The following FAM135B variants were observed in gnomAD, a reference collection of about 807,000 sequenced individuals.
FAM135B encodes family with sequence similarity 135 member B.
FAM135B carries 43 observed loss-of-function variants against 127.7 expected under a neutral mutation model. The ratio of observed to expected loss-of-function variants is 0.34; its 90% CI spans 0.26 to 0.43. FAM135B has a LOEUF of 0.43. Ranked by LOEUF, FAM135B falls within the 20% of genes least tolerant of loss-of-function variation. The pLI, the probability that FAM135B is intolerant of heterozygous loss-of-function variation, is 1.00. For synonymous variants in FAM135B, 670 were observed against 665.1 expected (o/e 1.01, Z -0.11); for missense variants, 1,558 against 1,725.6 (o/e 0.90, Z 1.72).
chr8:138,154,970 A>T (rs1818575999), intron 12 of FAM135B, among the ~76,000 whole-genome samples: 1 of 152,226 alleles, frequency 6.6e-6, no homozygotes, highest in African/African-American at 2.4e-5. Flanking sequence ...CCTTGAGAAG[A>T]GCAACTCCAA....
At chr8:138,480,310 C>A (rs897171483) in intron 1 of FAM135B, among the ~76,000 whole-genome samples, 3 of 152,124 alleles carry the variant, frequency 2.0e-5, no homozygotes, top group Non-Finnish European at 4.4e-5. Flanking sequence ...CAGGGGAAAC[C>A]TCAAAGTTAG....
chr8:138,178,410 T>C (rs1814690611), intron 10 of FAM135B, 125 bp downstream of exon 10: 7 of 1,094,262 alleles, frequency 6.4e-6, no homozygotes, highest in South Asian at 1.5e-5. Flanking sequence ...TGCACGGTCA[T>C]GGTAGAGACA....
chr8:138,402,042 G>A (rs1158338245), intron 1 of FAM135B, among the ~76,000 whole-genome samples: 1 of 152,066 alleles, frequency 6.6e-6, no homozygotes, highest in East Asian at 1.9e-4. Context: ...GAGGGTGGGA[G>A]GTGGAGACAG....
At chr8:138,196,514 A>C (rs1402044042) in intron 8 of FAM135B, among the ~76,000 whole-genome samples, 1 of 152,196 alleles carries the variant, frequency 6.6e-6, no homozygotes, top group Non-Finnish European at 1.5e-5. Flanking sequence ...ACCTCAGTCT[A>C]TTTGGGAAGC....
intron 2 of FAM135B, among the ~76,000 whole-genome samples, chr8:138,339,886 A>G (rs140480841): frequency 1.3e-3 from 196 of 152,238 alleles, no homozygotes; most frequent in African/African-American, 4.3e-3. Flanking sequence ...GGAAGAGCTG[A>G]TGGGGGAGTG....
intron 1 of FAM135B, among the ~76,000 whole-genome samples, chr8:138,483,543 C>T (rs1814868805): frequency 6.6e-6 from 1 of 152,196 alleles, no homozygotes; most frequent in South Asian, 2.1e-4. Flanking sequence ...GGGGTTTGTA[C>T]ATGTGTTTAC....
chr8:138,406,694 T>C (rs1341689991), intron 1 of FAM135B, among the ~76,000 whole-genome samples: 4 of 151,672 alleles, frequency 2.6e-5, no homozygotes, highest in African/African-American at 9.7e-5. Flanking sequence ...AAAAGGCCTT[T>C]GACAAAATTC....
intron 1 of FAM135B, among the ~76,000 whole-genome samples, chr8:138,387,028 C>T (rs1832260093): frequency 6.6e-6 from 1 of 152,204 alleles, no homozygotes. Flanking sequence ...GACTGCCCCA[C>T]AGGACCCAAG....
chr8:138,145,585 T>A (rs1817581851), intron 15 of FAM135B, among the ~76,000 whole-genome samples: 1 of 152,204 alleles, frequency 6.6e-6, no homozygotes, highest in African/African-American at 2.4e-5. Flanking sequence ...TCAACATCTA[T>A]ACCTCTGTGT....
intron 1 of FAM135B, among the ~76,000 whole-genome samples, chr8:138,469,089 A>G (rs1223108162): frequency 6.6e-6 from 1 of 151,830 alleles, no homozygotes; most frequent in Non-Finnish European, 1.5e-5. Flanking sequence ...AAAGAAAGAA[A>G]AAGGAAGGAA....
chr8:138,231,508 T>C (rs1398008155), intron 7 of FAM135B, among the ~76,000 whole-genome samples: 1 of 151,990 alleles, frequency 6.6e-6, no homozygotes, highest in South Asian at 2.1e-4. Flanking sequence ...AACACTAATA[T>C]AACATTTTAT....
chr8:138,206,293 C>T (rs1817576878), intron 7 of FAM135B, among the ~76,000 whole-genome samples: 1 of 151,282 alleles, frequency 6.6e-6, no homozygotes. Flanking sequence ...ACGCACAGCT[C>T]TATCATCCCC....
intron 7 of FAM135B, among the ~76,000 whole-genome samples, chr8:138,226,285 A>G (rs1188570244): frequency 6.6e-6 from 1 of 152,010 alleles, no homozygotes; most frequent in East Asian, 1.9e-4. Flanking sequence ...ATGATGAACA[A>G]GAACATCTTT....
At chr8:138,149,625 C>T (rs1314053722) in intron 13 of FAM135B, among the ~76,000 whole-genome samples, 1 of 152,060 alleles carries the variant, frequency 6.6e-6, no homozygotes, top group Non-Finnish European at 1.5e-5. Flanking sequence ...CTCACTATTT[C>T]TTGTTATTAT....
intron 1 of FAM135B, among the ~76,000 whole-genome samples, chr8:138,415,248 CAA>C (rs1446280113): frequency 6.6e-6 from 1 of 152,086 alleles, no homozygotes; most frequent in East Asian, 1.9e-4. Flanking sequence ...GGTTCAACTA[CAA>C]AAAACAGCTC....
intron 1 of FAM135B, among the ~76,000 whole-genome samples, chr8:138,483,742 T>C (rs1234774813): frequency 6.6e-6 from 1 of 152,222 alleles, no homozygotes; most frequent in Non-Finnish European, 1.5e-5. Context: ...ACACTGCTCA[T>C]TCCTGCAGTG....
intron 6 of FAM135B, among the ~76,000 whole-genome samples, chr8:138,248,046 G>A (rs1484253690): frequency 1.3e-5 from 2 of 152,196 alleles, no homozygotes; most frequent in Admixed American, 6.5e-5. Flanking sequence ...TGAGGCCTAG[G>A]TGAGGGCTTG....
intron 2 of FAM135B, among the ~76,000 whole-genome samples, chr8:138,331,751 T>A (rs553214487): frequency 7.9e-5 from 12 of 152,310 alleles, no homozygotes; most frequent in Admixed American, 7.8e-4. Flanking sequence ...TCTACTTCTT[T>A]TATAACAGGC....
intron 2 of FAM135B, among the ~76,000 whole-genome samples, chr8:138,323,437 A>C (rs1827587043): frequency 6.6e-6 from 1 of 152,128 alleles, no homozygotes; most frequent in Non-Finnish European, 1.5e-5. Flanking sequence ...ACAGGAAATG[A>C]CCCTTGGGCT....
Sources: allele counts gnomAD v4.1 joint callset (sites outside exome capture counted in the v4.1 genomes callset), GRCh38; gene constraint gnomAD v4.1.1; transcripts MANE v1.5; gene names NCBI Gene and HGNC (gene_info 2026-07-23, HGNC 2026-07-21).